The following RYR2 variants were observed in gnomAD, a reference collection of about 807,000 sequenced individuals.
The protein encoded by RYR2 is ryanodine receptor 2, also known as cardiac muscle ryanodine receptor-calcium release channel.
A neutral mutation model predicts 601.1 loss-of-function variants in RYR2; 227 were observed. The observed-to-expected ratio is 0.38, with a 90% CI of 0.34 to 0.42. The LOEUF (loss-of-function observed/expected upper bound fraction) is 0.42, where lower values mean the gene tolerates loss of function less well. RYR2 is among the 10% of genes least tolerant of loss of function. RYR2 has a pLI of 1.00. For missense variants in RYR2, 4,646 were observed against 6,156.5 expected (o/e 0.75, Z 8.21); for synonymous variants, 2,223 against 2,175.1 (o/e 1.02, Z -0.61).
At chr1:237,308,734 G>A (rs1182195297) in intron 2 of RYR2, among the ~76,000 whole-genome samples, 2 of 152,312 alleles carry the variant, frequency 1.3e-5, no homozygotes, top group East Asian at 1.9e-4. Context: ...GCAGCAGCAA[G>A]ATTTACTGCA....
rs551813117 is a variant in RYR2, at chr1:237,366,605, C to CA, written c.309+2240dup. ...ATTTAAAAAACACAGAGCCAAAAAA[C>CA]AAAAAAAGCAAACCAGAAAGAACAA... On this transcript the variant is annotated intron_variant, in intron 5 of 104. Transcript: ENST00000366574. 5.4e-4 allele frequency among the ~76,000 whole-genome samples: 80 copies of CA among 147,286 alleles called. 1 individual carries two copies. In the South Asian group the frequency reaches 0.017, roughly 32 times the overall value.
intron 80 of RYR2, among the ~76,000 whole-genome samples, chr1:237,752,998 G>T (rs907759703): frequency 2.0e-5 from 3 of 152,062 alleles, no homozygotes; most frequent in African/African-American, 7.2e-5. Context: ...ACAAACAAAA[G>T]AACACAAAGT....
intron 16 of RYR2, among the ~76,000 whole-genome samples, chr1:237,462,351 A>T (rs1366126090): frequency 6.6e-6 from 1 of 152,172 alleles, no homozygotes; most frequent in African/African-American, 2.4e-5. Context: ...CATGTGTTTT[A>T]GGTGGAGAAT....
chr1:237,678,242 G>A, intron 61 of RYR2, 130 bp downstream of exon 61: 1 of 596,970 alleles, frequency 1.7e-6, no homozygotes, highest in South Asian at 2.1e-5. Flanking sequence ...ATATTCTGTG[G>A]CATGAAAATA....
intron 100 of RYR2, among the ~76,000 whole-genome samples, chr1:237,817,556 T>C (rs1446272485): frequency 3.9e-5 from 6 of 152,158 alleles, no homozygotes; most frequent in Non-Finnish European, 7.3e-5. Flanking sequence ...GCAAGCTGGA[T>C]ACCCAAGTGT....
At chr1:237,616,365 G>A (rs920623275) in intron 37 of RYR2, among the ~76,000 whole-genome samples, 1 of 152,128 alleles carries the variant, frequency 6.6e-6, no homozygotes, top group Non-Finnish European at 1.5e-5. Flanking sequence ...TTGGTTTTCA[G>A]TAGGAGAAAG....
intron 10 of RYR2, among the ~76,000 whole-genome samples, chr1:237,402,218 G>A (rs537405287): frequency 6.5e-4 from 92 of 142,424 alleles, no homozygotes; most frequent in African/African-American, 2.1e-3. Context: ...ACATAAAGAG[G>A]CCTTGTCTCT....
chr1:237,593,869 G>A (rs1479068096), intron 33 of RYR2, among the ~76,000 whole-genome samples: 1 of 152,172 alleles, frequency 6.6e-6, no homozygotes, highest in Non-Finnish European at 1.5e-5. Flanking sequence ...TTGGGGTAAT[G>A]ATCATATATT....
At chr1:237,494,035 G>A (rs1437581744) in intron 19 of RYR2, among the ~76,000 whole-genome samples, 2 of 152,082 alleles carry the variant, frequency 1.3e-5, no homozygotes, top group East Asian at 1.9e-4. Flanking sequence ...CAGAGACTGA[G>A]CTTATAACCA....
Position 237,830,582 on chromosome 1 carries a change from A to G in RYR2, c.14708A>G (p.His4903Arg), listed in dbSNP as rs762990392. The G allele has an allele frequency of 2.5e-6, 4 of 1,612,258 alleles. No individual in the cohort carries two copies. The highest frequency in any genetic ancestry group is 1.7e-5 in the Admixed American group (1 of 60,000). ...IGNDYFDTVPHGFETHTLQEH... is the reference protein window; with the variant it reads ...IGNDYFDTVPRGFETHTLQEH... ...AATGATTACTTCGACACAGTGCCAC[A>G]TGGCTTTGAAACCCACACTTTACAG... The change falls in exon 103 of 105, where the codon CAT (histidine) becomes CGT (arginine). Residue 4903 changes from histidine (H) to arginine (R), a missense_variant. Transcript: ENST00000366574.
chr1:237,499,965 C>T (rs1005559600), intron 20 of RYR2, among the ~76,000 whole-genome samples: 1 of 151,992 alleles, frequency 6.6e-6, no homozygotes, highest in Non-Finnish European at 1.5e-5. Context: ...TTGGTCTTGC[C>T]GGGGCAATAA....
chr1:237,057,079 C>T (rs193291381), intron 1 of RYR2, among the ~76,000 whole-genome samples: 144 of 152,268 alleles, frequency 9.5e-4, no homozygotes, highest in African/African-American at 3.2e-3. Flanking sequence ...CCCAGTGAGG[C>T]AGATTGGAGG....
rs1692698110 is a variant in RYR2, at chr1:237,295,724, G to A, written c.168+25108G>A. ...ATGTAATTGGGATCTTTTAATATAT[G>A]TGATAGCTTTCTATAAAAAGGAAAA... On this transcript the variant is annotated intron_variant, in intron 2 of 104. Transcript: ENST00000366574. Among the ~76,000 whole-genome samples the A allele has an allele frequency of 2.0e-5, 3 of 152,134 alleles. No individual in the cohort carries two copies. In the South Asian group the frequency reaches 6.2e-4, roughly 31 times the overall value.
At chr1:237,394,208 T>A (rs923525659) in intron 10 of RYR2, among the ~76,000 whole-genome samples, 1 of 152,224 alleles carries the variant, frequency 6.6e-6, no homozygotes, top group Non-Finnish European at 1.5e-5. Flanking sequence ...ATGGTTGTAT[T>A]GTGTTCTGCA....
intron 25 of RYR2, among the ~76,000 whole-genome samples, chr1:237,531,261 T>C (rs1382857594): frequency 2.0e-5 from 3 of 152,186 alleles, no homozygotes; most frequent in Admixed American, 2.0e-4. Context: ...GATGCTGTAG[T>C]ACTGGTTTGG....
chr1:237,774,288 T>C (rs923177685), intron 87 of RYR2, among the ~76,000 whole-genome samples: 1 of 152,154 alleles, frequency 6.6e-6, no homozygotes, highest in African/African-American at 2.4e-5. Context: ...ACGTGCCCCA[T>C]GCTAAGGATA....
chr1:237,705,302 T>A lies in RYR2; in HGVS notation c.9539T>A (p.Ile3180Asn), dbSNP rs1467963594. Residue 3180 changes from isoleucine (I) to asparagine (N), a missense_variant, in exon 67 of 105, where the codon ATT (isoleucine) becomes AAT (asparagine). By Grantham distance (149) the Ile-to-Asn change is moderately radical (BLOSUM62 -3). Coordinates refer to ENST00000366574, the MANE Select transcript of RYR2 (RefSeq NM_001035.3). Reference sequence around the variant, plus strand: ...GAAACTCATCTGGACAAACATAATATTTACTCCATCTACAATACCAAGTCT... The same window carrying A: ...GAAACTCATCTGGACAAACATAATAATTACTCCATCTACAATACCAAGTCT... Reference protein sequence around the residue: ...FLETHLDKHNIYSIYNTKSSR... With the variant: ...FLETHLDKHNNYSIYNTKSSR... 1 of 1,604,530 alleles carries A rather than the reference T, an allele frequency of 6.2e-7. No homozygotes were observed. The highest frequency in any genetic ancestry group is 2.2e-5 in the East Asian group (1 of 44,732).
intron 16 of RYR2, among the ~76,000 whole-genome samples, chr1:237,458,527 G>A (rs1659104627): frequency 6.6e-6 from 1 of 152,138 alleles, no homozygotes; most frequent in Admixed American, 6.6e-5. Context: ...AGTTTCACCT[G>A]TATTTTATAG....
chr1:237,417,097 T>C lies in RYR2; in HGVS notation c.822T>C (p.Leu274=). 6.2e-7 allele frequency: 1 copy of C among 1,613,868 alleles called. No homozygotes were observed. Among genetic ancestry groups the C allele is most frequent in the Non-Finnish European group, 8.5e-7 (1 of 1,179,782 alleles). The change falls in exon 11 of 105, where the codon CTT becomes CTC. Residue 274 remains leucine, a synonymous_variant. Coordinates refer to ENST00000366574, the MANE Select transcript of RYR2 (RefSeq NM_001035.3). The part of the protein sequence containing the change: ...GGAVSVHARS[L]WRLETLRVAW... ...CTGTGTCTGTTCATGCACGTTCCCT[T>C]TGGAGACTAGAGACGCTAAGAGTTG... is the stretch of plus-strand genomic sequence containing the variant.
Sources: gnomAD v4.1 joint callset for allele counts (sites outside exome capture counted in the v4.1 genomes callset) on GRCh38, gnomAD v4.1.1 for gene constraint, MANE v1.5 for transcripts, NCBI Gene and HGNC (gene_info 2026-07-23, HGNC 2026-07-21) for gene names.